The following VPS35L variants were observed in gnomAD, a reference collection of about 807,000 sequenced individuals.
The protein encoded by VPS35L is VPS35 endosomal protein-sorting factor-like.
Under a neutral mutation model 133.0 loss-of-function variants are expected in VPS35L, and 83 were observed. The ratio of observed to expected loss-of-function variants is 0.62; its 90% CI spans 0.52 to 0.75. The LOEUF (loss-of-function observed/expected upper bound fraction) is 0.75. Ranked by LOEUF, VPS35L falls within the 30% of genes least tolerant of loss-of-function variation. The pLI is 0.00. For missense variants in VPS35L, 1,083 were observed against 1,206.8 expected (o/e 0.90, Z 1.52); for synonymous variants, 423 against 449.9 (o/e 0.94, Z 0.76).
In VPS35L at chr16:19,580,587, C is replaced by T. The variant is rs111480377; in HGVS notation, c.511-938C>T. Among the ~76,000 whole-genome samples the T allele has an allele frequency of 3.4e-4, 52 of 152,158 alleles. 1 individual carries two copies. The highest frequency in any genetic ancestry group is 9.9e-4 in the African/African-American group (41 of 41,534). ...GGAGCATTTACTGTGCGTCAGGGAC[C>T]GTGCCAAGTCATTACCTACATGGTC... On this transcript the variant is annotated intron_variant, in intron 6 of 30. Coordinates refer to ENST00000417362, the MANE Select transcript of VPS35L (RefSeq NM_020314.7).
chr16:19,573,988 CACTT>C (rs1265758643), intron 4 of VPS35L, among the ~76,000 whole-genome samples: 1 of 152,112 alleles, frequency 6.6e-6, no homozygotes, highest in Admixed American at 6.6e-5. Flanking sequence ...GGCCTCAAGA[CACTT>C]ACGAAATTCG....
At chr16:19,614,830 C>T (rs765655578) in intron 12 of VPS35L, among the ~76,000 whole-genome samples, 2 of 152,226 alleles carry the variant, frequency 1.3e-5, no homozygotes, top group Admixed American at 6.5e-5. Context: ...CGTAGCTCAT[C>T]CCTCTACTTT....
intron 5 of VPS35L, among the ~76,000 whole-genome samples, chr16:19,577,475 C>T (rs1477083700): frequency 6.6e-6 from 1 of 152,198 alleles, no homozygotes; most frequent in African/African-American, 2.4e-5. Context: ...CTGGGGATCA[C>T]ATTTCAAAGA....
At chr16:19,591,147 G>A (rs1015674198) in intron 7 of VPS35L, among the ~76,000 whole-genome samples, 5 of 152,058 alleles carry the variant, frequency 3.3e-5, no homozygotes, top group Non-Finnish European at 7.4e-5. Context: ...TTGGGACTGA[G>A]TATAAATAAT....
At chr16:19,673,023 C>T (rs1194319676) in intron 27 of VPS35L, among the ~76,000 whole-genome samples, 1 of 152,174 alleles carries the variant, frequency 6.6e-6, no homozygotes, top group Admixed American at 6.6e-5. Flanking sequence ...GAGTTCATAG[C>T]GCTGAGACTT....
Position 19,680,774 on chromosome 16 carries a change from G to T in VPS35L, c.2362-1451G>T, listed in dbSNP as rs115602881. Among the ~76,000 whole-genome samples the T allele has an allele frequency of 5.8e-3, 885 of 152,198 alleles. 3 individuals carry two copies. The highest frequency in any genetic ancestry group is 0.02 in the African/African-American group (827 of 41,540). ...AAAAAATAGAAATTCGCCAAGCGTG[G>T]TGGTATGTACCTGTAGTCCCAGCAC... On this transcript the variant is annotated intron_variant, in intron 27 of 30. Coordinates refer to ENST00000417362, the MANE Select transcript of VPS35L (RefSeq NM_020314.7).
chr16:19,650,595 A>T (rs1253196861), intron 25 of VPS35L, 136 bp downstream of exon 25: 5 of 700,842 alleles, frequency 7.1e-6, no homozygotes, highest in Non-Finnish European at 1.2e-5. Context: ...TTTCAGATTA[A>T]TTTTTCCCTG....
At chr16:19,687,081 GT>G (rs1465343527) in intron 28 of VPS35L, among the ~76,000 whole-genome samples, 1 of 152,218 alleles carries the variant, frequency 6.6e-6, no homozygotes, top group African/African-American at 2.4e-5. Context: ...GTCTGTGAGG[GT>G]AGGGCCAGGT....
intron 27 of VPS35L, among the ~76,000 whole-genome samples, chr16:19,677,545 T>C (rs1285315731): frequency 2.0e-5 from 3 of 152,202 alleles, no homozygotes; most frequent in Admixed American, 1.3e-4. Context: ...GGAGAGGGCA[T>C]TCTGGGCCGA....
At chr16:19,684,123 C>T (rs62024112) in intron 28 of VPS35L, among the ~76,000 whole-genome samples, 51,818 of 151,856 alleles carry the variant, frequency 0.34, 8,994 homozygotes, top group African/African-American at 0.35. Flanking sequence ...TGTCTGGGTG[C>T]TCTGGAGGAA....
At chr16:19,669,441 T>A (rs2151605555) in intron 27 of VPS35L, 142 bp downstream of exon 27, 1 of 1,058,048 alleles carries the variant, frequency 9.5e-7, no homozygotes, top group Non-Finnish European at 1.3e-6. Context: ...TTGAATTGCT[T>A]AATGAATTTT....
At chr16:19,629,505 C>T (rs1973376854) in intron 17 of VPS35L, among the ~76,000 whole-genome samples, 1 of 152,016 alleles carries the variant, frequency 6.6e-6, no homozygotes, top group Admixed American at 6.6e-5. Flanking sequence ...AAAAAAAATG[C>T]ATAACATTAC....
intron 10 of VPS35L, 72 bp from the exon 11 acceptor site, chr16:19,608,902 G>T: frequency 7.2e-7 from 1 of 1,384,998 alleles, no homozygotes. Context: ...TCTATTCATG[G>T]ATAGTTTAGT....
intron 7 of VPS35L, among the ~76,000 whole-genome samples, chr16:19,582,973 G>A (rs1340160495): frequency 6.6e-6 from 1 of 152,046 alleles, no homozygotes; most frequent in Admixed American, 6.5e-5. Context: ...TTTGAGACCA[G>A]CCTGGCCAAC....
Position 19,662,037 on chromosome 16 carries a change from T to TAA in VPS35L, c.2222-7116_2222-7115dup, listed in dbSNP as rs57236310. ...GACCCAGTCTGTACAAAATATGAATTAAAAAAAACTTAAAAAATCAGCAGG... is the reference window on the plus strand; with the variant it reads ...GACCCAGTCTGTACAAAATATGAATTAAAAAAAAAACTTAAAAAATCAGCAGG... On this transcript the variant is annotated intron_variant, in intron 26 of 30. Transcript: ENST00000417362. Among the ~76,000 whole-genome samples the TAA allele has an allele frequency of 2.0e-5, 3 of 151,660 alleles. 1 individual carries two copies. The highest frequency in any genetic ancestry group is 7.3e-5 in the African/African-American group (3 of 41,216).
chr16:19,656,159 G>A (rs1490539786), intron 26 of VPS35L, among the ~76,000 whole-genome samples: 4 of 151,344 alleles, frequency 2.6e-5, no homozygotes, highest in African/African-American at 9.7e-5. Context: ...AGCTATTCAG[G>A]AGGCTGAGGC....
intron 3 of VPS35L, among the ~76,000 whole-genome samples, chr16:19,571,781 G>T (rs769238419): frequency 3.3e-5 from 5 of 151,520 alleles, no homozygotes; most frequent in Non-Finnish European, 7.4e-5. Flanking sequence ...CTAACCTCAG[G>T]TGATCTGCCC....
At chr16:19,691,091 T>C (rs13336960) in intron 28 of VPS35L, among the ~76,000 whole-genome samples, 9,598 of 152,308 alleles carry the variant, frequency 0.063, 895 homozygotes, top group African/African-American at 0.2. Flanking sequence ...TTATTATTAA[T>C]GTCACCCCCG....
intron 5 of VPS35L, among the ~76,000 whole-genome samples, chr16:19,576,791 C>G (rs1020051818): frequency 6.6e-6 from 1 of 151,594 alleles, no homozygotes; most frequent in Admixed American, 6.6e-5. Flanking sequence ...AGTGCAACCT[C>G]TGCCTCCTGG....
Sources: allele counts gnomAD v4.1 joint callset (sites outside exome capture counted in the v4.1 genomes callset), GRCh38; gene constraint gnomAD v4.1.1; transcripts MANE v1.5; gene names NCBI Gene and HGNC (gene_info 2026-07-23, HGNC 2026-07-21).